DNAH2: variants seen among roughly 807,000 people sequenced by gnomAD.
The protein encoded by DNAH2 is dynein axonemal heavy chain 2, also known as axonemal beta dynein heavy chain 2.
A neutral mutation model predicts 523.5 loss-of-function variants in DNAH2; 323 were observed. The ratio of observed to expected loss-of-function variants is 0.62; its 90% CI spans 0.56 to 0.68. DNAH2 has a LOEUF of 0.68. DNAH2 is among the 30% of genes least tolerant of loss of function. The pLI is 0.00. For missense variants in DNAH2, 4,907 were observed against 5,701.5 expected, an observed-to-expected ratio of 0.86 and a Z score of 4.49; for synonymous variants, 2,093 against 2,177.4, an observed-to-expected ratio of 0.96 and a Z score of 1.08.
intron 18 of DNAH2, among the ~76,000 whole-genome samples, chr17:7,762,768 A>T (rs2076042190): frequency 6.6e-6 from 1 of 152,186 alleles, no homozygotes; most frequent in South Asian, 2.1e-4. Context: ...TCTGCAACAT[A>T]GGCACAGGAA....
intron 63 of DNAH2, among the ~76,000 whole-genome samples, chr17:7,811,834 T>A (rs2077526751): frequency 6.6e-6 from 1 of 152,196 alleles, no homozygotes; most frequent in African/African-American, 2.4e-5. Context: ...GGGTGGGGGT[T>A]CTCTGGGTAG....
intron 18 of DNAH2, 21 bp from the exon 19 acceptor site, chr17:7,763,810 T>C: frequency 4.3e-6 from 7 of 1,613,634 alleles, no homozygotes; most frequent in Non-Finnish European, 5.9e-6. Flanking sequence ...ACATCCTAGC[T>C]GGGATCTGGG....
chr17:7,786,783 T>A lies in DNAH2; in HGVS notation c.6466+96T>A. 2 of 1,598,132 alleles carry A rather than the reference T, an allele frequency of 1.3e-6. No homozygotes were observed. Among genetic ancestry groups the A allele is most frequent in the Non-Finnish European group, 1.7e-6 (2 of 1,168,796 alleles). ...AGGAAGTTCCAAGTTGGGAGAGAAA[T>A]GCCTGGGGAATGCTGAAGTACAAGG... is the stretch of plus-strand genomic sequence containing the variant. On this transcript the variant is annotated intron_variant, in intron 41 of 85. Transcript: ENST00000572933. This position sits in a 1 kb window ranked among gnomAD's most constrained non-coding sequence, Gnocchi z 7.5.
rs370826190 is a variant in DNAH2 at position 7,832,788 on chromosome 17, T to C, written c.12903+33T>C. ...ATGTGCAAAGTGTGAGGGGGGGATG[T>C]ATGCTGGGGCCATGTATGTGTTCTC... On this transcript the variant is annotated intron_variant, in intron 83 of 85. Transcript: ENST00000572933. This position sits in a 1 kb window ranked among gnomAD's most constrained non-coding sequence, Gnocchi z 4.3. The C allele has an allele frequency of 6.2e-7, 1 of 1,614,080 alleles. No homozygotes were observed. Among genetic ancestry groups the C allele is most frequent in the Non-Finnish European group, 8.5e-7 (1 of 1,180,000 alleles).
chr17:7,719,967 G>T, intron 2 of DNAH2, 67 bp downstream of exon 2: 1 of 1,429,680 alleles, frequency 7.0e-7, no homozygotes, highest in Non-Finnish European at 9.2e-7. Context: ...GGGCTTGGAG[G>T]CATTTTAGGG....
At position 7,775,302 on chromosome 17, in the gene DNAH2, T is replaced by A; in HGVS notation, c.4781T>A (p.Ile1594Asn). ...ATGTTCTCGGGCGACGGCGAGTACA[T>A]TGACTTCCTCCACTCAGTATTTTTA... ...VGMFSGDGEY[I>N]DFLHSVFLEG... Residue 1594 changes from isoleucine (I) to asparagine (N), a missense_variant, in exon 30 of 86, where the codon ATT becomes AAT. Around this residue, in one of 3 missense-constraint regions of DNAH2, gnomAD observed 2,806 missense variants for 3,190.8 expected, o/e 0.88. Transcript: ENST00000572933. 1 of 1,613,388 alleles carries A rather than the reference T, an allele frequency of 6.2e-7. No homozygotes were observed. Among genetic ancestry groups the A allele is most frequent in the African/African-American group, 1.3e-5 (1 of 74,984 alleles).
At chr17:7,733,399 G>A in intron 5 of DNAH2, 84 bp downstream of exon 5, 3 of 1,328,296 alleles carry the variant, frequency 2.3e-6, no homozygotes, top group Non-Finnish European at 3.2e-6. Flanking sequence ...CTTCGTCTGA[G>A]CACCTGTGTG....
At chr17:7,787,705 C>T in intron 42 of DNAH2, 155 bp from the exon 43 acceptor site, 2 of 1,046,234 alleles carry the variant, frequency 1.9e-6, no homozygotes, top group Non-Finnish European at 2.6e-6. Context: ...CACTGCACTC[C>T]AGCCTGGGTG....
At chr17:7,776,927 C>T in intron 32 of DNAH2, 38 bp downstream of exon 32, 3 of 1,551,506 alleles carry the variant, frequency 1.9e-6, no homozygotes, top group Non-Finnish European at 2.6e-6. Flanking sequence ...CTTGTAATCC[C>T]AGCACTTTGG....
intron 73 of DNAH2, among the ~76,000 whole-genome samples, chr17:7,822,405 C>A (rs2151332951): frequency 6.6e-6 from 1 of 152,344 alleles, no homozygotes; most frequent in Admixed American, 6.5e-5. Flanking sequence ...CACGTCTCGC[C>A]TCAGGGCCTT....
At position 7,778,070 on chromosome 17, in the gene DNAH2, T is replaced by A; in HGVS notation, c.5248-7T>A. On this transcript the variant is annotated splice_polypyrimidine_tract_variant and splice_region_variant and intron_variant, in intron 33 of 85. Transcript: ENST00000572933. ...ACCTCTCTCTTTTTCTGCGCTGTTT[T>A]CCCCAGGATCTTGATGACTGTGTCA... 1.2e-6 allele frequency: 2 copies of A among 1,611,330 alleles called. No individual in the cohort carries two copies. Among genetic ancestry groups the A allele is most frequent in the Non-Finnish European group, 1.7e-6 (2 of 1,177,406 alleles).
intron 64 of DNAH2, 59 bp downstream of exon 64, chr17:7,816,794 C>T: frequency 6.3e-7 from 1 of 1,587,882 alleles, no homozygotes; most frequent in Non-Finnish European, 8.6e-7. Context: ...CCGAGAGACC[C>T]ATCCCTTTTA....
Position 7,760,964 on chromosome 17 carries a change from T to C in DNAH2, c.2978+32T>C. On this transcript the variant is annotated intron_variant, in intron 18 of 85. Transcript: ENST00000572933. The surrounding 1 kb of genome is among the most constrained non-coding windows in gnomAD (Gnocchi z 4.0). ...GGTGAGGGTGGATTGAAAGTCTGTC[T>C]GTAGGAGGCACAGCACTGCAGGAGG... The C allele has an allele frequency of 6.2e-7, 1 of 1,610,500 alleles. No homozygotes were observed. Among genetic ancestry groups the C allele is most frequent in the Non-Finnish European group, 8.5e-7 (1 of 1,177,782 alleles).
At chr17:7,763,233 A>C (rs948968584) in intron 18 of DNAH2, among the ~76,000 whole-genome samples, 4 of 152,102 alleles carry the variant, frequency 2.6e-5, no homozygotes, top group African/African-American at 9.7e-5. Flanking sequence ...ATCTCGGCTT[A>C]CTGCAAGCTC....
rs1484979592 is a variant in DNAH2 at position 7,821,439 on chromosome 17, G to T, written c.11142+70G>T. 3 of 1,539,588 alleles carry T rather than the reference G, an allele frequency of 1.9e-6. No homozygotes were observed. The highest frequency in any genetic ancestry group is 2.6e-6 in the Non-Finnish European group (3 of 1,138,276). ...TGGGGATGAGGGCAAGTGTGACAAG[G>T]ACTCCAGACCCAGAGGGTCAGGCCC... On this transcript the variant is annotated intron_variant, in intron 73 of 85. Transcript: ENST00000572933. This position sits in a 1 kb window ranked among gnomAD's most constrained non-coding sequence, Gnocchi z 5.0.
intron 59 of DNAH2, 42 bp downstream of exon 59, chr17:7,804,508 G>A: frequency 6.2e-7 from 1 of 1,602,172 alleles, no homozygotes; most frequent in Non-Finnish European, 8.5e-7. Context: ...ACTCCCACCA[G>A]TGCCGGCTAC....
In DNAH2 at chr17:7,780,542, C is replaced by T. The variant is rs1024259294; in HGVS notation, c.5851-88C>T. 4 of 1,565,574 alleles carry T rather than the reference C, an allele frequency of 2.6e-6. No individual in the cohort carries two copies. The South Asian group carries it at 3.5e-5, about 14-fold the overall frequency. On this transcript the variant is annotated intron_variant, in intron 37 of 85. Coordinates refer to ENST00000572933, the MANE Select transcript of DNAH2 (RefSeq NM_020877.5). The surrounding 1 kb of genome is among the most constrained non-coding windows in gnomAD (Gnocchi z 4.4). ...CTCCTAGCTGCTTCATGTCCTGGGA[C>T]CTGGCTTCTTGTCTCTGACTGTCCT...
In DNAH2 at chr17:7,779,412, C is replaced by A. The variant is rs1224915759; in HGVS notation, c.5711C>A (p.Thr1904Asn). The A allele has an allele frequency of 1.2e-6, 2 of 1,613,580 alleles. No homozygotes were observed. The highest frequency in any genetic ancestry group is 8.5e-7 in the Non-Finnish European group (1 of 1,179,780). ...NLVWSCGIFI[T>N]MNPGYAGRTE... Reference sequence around the variant, plus strand: ...GTGTGGTCCTGTGGGATCTTCATTACCATGAATCCTGGTAGGTGGCAGGGA... The same window carrying A: ...GTGTGGTCCTGTGGGATCTTCATTAACATGAATCCTGGTAGGTGGCAGGGA... Residue 1904 changes from threonine to asparagine, a missense_variant, in exon 36 of 86, where the codon ACC (threonine) becomes AAC (asparagine). Transcript: ENST00000572933.
chr17:7,786,544 A>G lies in DNAH2; in HGVS notation c.6349-26A>G. On this transcript the variant is annotated intron_variant, in intron 40 of 85. Coordinates refer to ENST00000572933, the MANE Select transcript of DNAH2 (RefSeq NM_020877.5). The surrounding 1 kb of genome is among the most constrained non-coding windows in gnomAD (Gnocchi z 7.5). ...GAGGGGTTTTTGTCCATCAGCAGCTAAAACCCCTTCCGGTGTCATTTTCAG... is the reference window on the plus strand; with the variant it reads ...GAGGGGTTTTTGTCCATCAGCAGCTGAAACCCCTTCCGGTGTCATTTTCAG... 6.2e-7 allele frequency: 1 copy of G among 1,604,530 alleles called. No individual in the cohort carries two copies. Among genetic ancestry groups the G allele is most frequent in the South Asian group, 1.1e-5 (1 of 90,812 alleles).
Sources: allele counts gnomAD v4.1 joint callset (sites outside exome capture counted in the v4.1 genomes callset), GRCh38; gene constraint gnomAD v4.1.1; regional missense constraint gnomAD v4.1.1; non-coding constraint Gnocchi (gnomAD v3.1); transcripts MANE v1.5; gene names NCBI Gene and HGNC (gene_info 2026-07-23, HGNC 2026-07-21).